MVB12B: variants seen among roughly 807,000 people sequenced by gnomAD.
MVB12B encodes the protein multivesicular body subunit 12B.
In MVB12B, 16 loss-of-function variants were observed where a neutral mutation model predicts 41.6. The ratio of observed to expected loss-of-function variants is 0.38; its 90% CI spans 0.26 to 0.58. MVB12B has a LOEUF of 0.58. MVB12B is among the 20% of genes least tolerant of loss of function. MVB12B has a pLI of 0.62. For synonymous variants in MVB12B, 133 were observed against 139.7 expected (o/e 0.95, Z 0.34); for missense variants, 274 against 380.2 (o/e 0.72, Z 2.32).
At chr9:126,456,552 TG>T (rs1832989379) in intron 7 of MVB12B, among the ~76,000 whole-genome samples, 4 of 152,244 alleles carry the variant, frequency 2.6e-5, no homozygotes, top group African/African-American at 7.2e-5. Context: ...GATACTTGGC[TG>T]GGGTTCTCAT....
chr9:126,488,478 G>A (rs1010213222), intron 9 of MVB12B, among the ~76,000 whole-genome samples: 22 of 152,208 alleles, frequency 1.4e-4, no homozygotes, highest in African/African-American at 2.4e-5. Context: ...CCCAGACAGG[G>A]TGGAGAGCCT....
At chr9:126,413,872 A>C (rs1831728149) in intron 6 of MVB12B, among the ~76,000 whole-genome samples, 1 of 136,058 alleles carries the variant, frequency 7.3e-6, no homozygotes. Flanking sequence ...TGGGAGATCA[A>C]AGTGGCAGGT....
chr9:126,498,058 G>C (rs887312456), intron 9 of MVB12B, among the ~76,000 whole-genome samples: 1 of 152,180 alleles, frequency 6.6e-6, no homozygotes, highest in Non-Finnish European at 1.5e-5. Flanking sequence ...GCCATATGAC[G>C]TGGGCACTGT....
chr9:126,460,257 C>T (rs1419942601), intron 7 of MVB12B, among the ~76,000 whole-genome samples: 2 of 152,202 alleles, frequency 1.3e-5, no homozygotes, highest in African/African-American at 2.4e-5. Context: ...ACTTTGCTGC[C>T]GCCTTGCTGG....
intron 7 of MVB12B, among the ~76,000 whole-genome samples, chr9:126,432,867 G>A (rs1370013975): frequency 6.6e-6 from 1 of 152,200 alleles, no homozygotes; most frequent in Non-Finnish European, 1.5e-5. Context: ...ACACAGACCT[G>A]GAGTGAATCG....
Position 126,459,785 on chromosome 9 carries a change from A to T in MVB12B, c.758-21584A>T, listed in dbSNP as rs547638804. 2.0e-5 allele frequency among the ~76,000 whole-genome samples: 3 copies of T among 151,402 alleles called. No homozygotes were observed. Among genetic ancestry groups the T allele is most frequent in the Non-Finnish European group, 4.4e-5 (3 of 67,616 alleles). On this transcript the variant is annotated intron_variant, in intron 7 of 9. Transcript: ENST00000361171. The surrounding 1 kb of genome is among the most constrained non-coding windows in gnomAD (Gnocchi z 4.3). Reference sequence around the variant, plus strand: ...ATCCTTGCCTGCCCCGCTCACTTGGACCTGCCACTCTCCCACAGGGGCCGC... The same window carrying T: ...ATCCTTGCCTGCCCCGCTCACTTGGTCCTGCCACTCTCCCACAGGGGCCGC...
rs745408278 is a variant in MVB12B at position 126,421,974 on chromosome 9, A to G, written c.757+26A>G. On this transcript the variant is annotated intron_variant, in intron 7 of 9. Transcript: ENST00000361171. ...GTATGTGGAGCCACCGCTGCAGGCC[A>G]GCTACAGAGTCTGTGTCCCGGGCGC... 3 of 1,553,036 alleles carry G rather than the reference A, an allele frequency of 1.9e-6. No homozygotes were observed. In the South Asian group the frequency reaches 3.3e-5, roughly 17 times the overall value.
At chr9:126,364,342 T>G (rs1056512487) in intron 2 of MVB12B, among the ~76,000 whole-genome samples, 97 of 152,148 alleles carry the variant, frequency 6.4e-4, no homozygotes, top group African/African-American at 2.2e-3. Context: ...ATCCCATCAC[T>G]TCAACTCTTC....
chr9:126,395,523 G>A lies in MVB12B; in HGVS notation c.540-52G>A. On this transcript the variant is annotated intron_variant, in intron 5 of 9. Coordinates refer to ENST00000361171, the MANE Select transcript of MVB12B (RefSeq NM_033446.3). This position sits in a 1 kb window ranked among gnomAD's most constrained non-coding sequence, Gnocchi z 4.9. ...TGAATTGGTTTGCTTTGTCACTCAGGTAAATGCTTTGTGCTAACCAGAGCC... is the reference window on the plus strand; with the variant it reads ...TGAATTGGTTTGCTTTGTCACTCAGATAAATGCTTTGTGCTAACCAGAGCC... 2.5e-6 allele frequency: 4 copies of A among 1,601,738 alleles called. No homozygotes were observed. Among genetic ancestry groups the A allele is most frequent in the Non-Finnish European group, 3.4e-6 (4 of 1,172,912 alleles).
intron 1 of MVB12B, among the ~76,000 whole-genome samples, chr9:126,339,295 G>T (rs892829258): frequency 6.6e-6 from 1 of 152,226 alleles, no homozygotes; most frequent in Non-Finnish European, 1.5e-5. Flanking sequence ...TGCCTGCTTA[G>T]TGAGGTAGGG....
chr9:126,418,899 G>T (rs1271104266), intron 6 of MVB12B, among the ~76,000 whole-genome samples: 2 of 152,158 alleles, frequency 1.3e-5, no homozygotes, highest in African/African-American at 2.4e-5. Context: ...CATAGGAAAT[G>T]ATCACACTTG....
At chr9:126,443,646 C>A (rs1405666305) in intron 7 of MVB12B, among the ~76,000 whole-genome samples, 1 of 152,204 alleles carries the variant, frequency 6.6e-6, no homozygotes, top group African/African-American at 2.4e-5. Flanking sequence ...AACACTTTTT[C>A]TATGCCATAT....
intron 2 of MVB12B, among the ~76,000 whole-genome samples, chr9:126,346,879 T>A (rs541068324): frequency 6.6e-6 from 1 of 152,120 alleles, no homozygotes; most frequent in East Asian, 1.9e-4. Flanking sequence ...GTCCATTGGG[T>A]TTAATGCAAG....
rs146933552 is a variant in MVB12B at position 126,476,921 on chromosome 9, G to A, written c.758-4448G>A. Among the ~76,000 whole-genome samples the A allele has an allele frequency of 3.5e-3, 534 of 150,712 alleles. 2 individuals carry two copies. The highest frequency in any genetic ancestry group is 0.013 in the African/African-American group (514 of 41,026). On this transcript the variant is annotated intron_variant, in intron 7 of 9. Coordinates refer to ENST00000361171, the MANE Select transcript of MVB12B (RefSeq NM_033446.3). ...AATGTAAATCTATAATCTATGTAAA[G>A]GTATATTTTTACATAATATATGTGA...
chr9:126,354,335 G>A (rs989893778), intron 2 of MVB12B, among the ~76,000 whole-genome samples: 3 of 151,946 alleles, frequency 2.0e-5, no homozygotes, highest in Non-Finnish European at 4.4e-5. Flanking sequence ...GTTTTGTTTC[G>A]TTTTTATGTA....
chr9:126,396,590 C>G, intron 6 of MVB12B: 1 of 985,462 alleles, frequency 1.0e-6, no homozygotes, highest in Non-Finnish European at 1.2e-6. Flanking sequence ...CCGGGACATA[C>G]CACCAGCTCT....
chr9:126,500,268 G>A (rs1304975355), intron 9 of MVB12B, among the ~76,000 whole-genome samples: 3 of 152,200 alleles, frequency 2.0e-5, no homozygotes, highest in African/African-American at 7.2e-5. Flanking sequence ...TGCCCTGCAG[G>A]AACCTGGCTC....
At chr9:126,361,323 T>C (rs115619572) in intron 2 of MVB12B, among the ~76,000 whole-genome samples, 2,538 of 152,346 alleles carry the variant, frequency 0.017, 39 homozygotes, top group African/African-American at 0.041. Flanking sequence ...TCATGTGTAG[T>C]GTAAGAACAG....
chr9:126,398,193 GTCT>G (rs561840603), intron 6 of MVB12B, among the ~76,000 whole-genome samples: 62 of 151,952 alleles, frequency 4.1e-4, no homozygotes, highest in Middle Eastern at 6.8e-3. Context: ...CCTGTGCTGG[GTCT>G]TCTTCTGTGA....
Sources: allele counts gnomAD v4.1 joint callset (sites outside exome capture counted in the v4.1 genomes callset), GRCh38; gene constraint gnomAD v4.1.1; non-coding constraint Gnocchi (gnomAD v3.1); transcripts MANE v1.5; gene names NCBI Gene and HGNC (gene_info 2026-07-23, HGNC 2026-07-21).